Variants in PCDHA1 observed in about 807,000 individuals in gnomAD.
The protein encoded by PCDHA1 is protocadherin alpha 1.
In PCDHA1, 42 loss-of-function variants were observed where a neutral mutation model predicts 61.3. The observed-to-expected ratio is 0.69, with a 90% CI of 0.54 to 0.89. PCDHA1 has a LOEUF of 0.89. Among genes scored for constraint, PCDHA1 ranks in the 40% least tolerant of loss-of-function variants. The pLI is 0.00. For missense variants in PCDHA1, 1,256 were observed against 1,235.3 expected (o/e 1.02, Z -0.25); for synonymous variants, 610 against 553.8 (o/e 1.10, Z -1.43).
intron 3 of PCDHA1, among the ~76,000 whole-genome samples, chr5:140,996,530 T>C (rs1423892657): frequency 6.6e-6 from 1 of 152,210 alleles, no homozygotes; most frequent in East Asian, 1.9e-4. Flanking sequence ...AGGCCCTGTG[T>C]GTTTTGATAT....
chr5:140,819,042 G>A (rs1766479997), intron 1 of PCDHA1, among the ~76,000 whole-genome samples: 1 of 152,140 alleles, frequency 6.6e-6, no homozygotes, highest in African/African-American at 2.4e-5. Context: ...CCCTTATAGG[G>A]CAGTTATACC....
At chr5:140,795,735 T>C in intron 1 of PCDHA1, 1 of 1,614,104 alleles carries the variant, frequency 6.2e-7, no homozygotes, top group Non-Finnish European at 8.5e-7. Context: ...ATACGGCAAA[T>C]GGGACCTTAG....
chr5:140,881,596 T>G (rs1420240994), intron 1 of PCDHA1, among the ~76,000 whole-genome samples: 1 of 152,240 alleles, frequency 6.6e-6, no homozygotes, highest in African/African-American at 2.4e-5. Flanking sequence ...GGAAATTTAT[T>G]AATATGATGT....
chr5:140,979,090 C>A, intron 2 of PCDHA1, 83 bp downstream of exon 2: 1 of 1,557,284 alleles, frequency 6.4e-7, no homozygotes, highest in Non-Finnish European at 8.7e-7. Flanking sequence ...AGGCCAGAAG[C>A]AGCTGTCAAA....
At chr5:140,882,891 A>G (rs782750187) in intron 1 of PCDHA1, 3 of 1,614,230 alleles carry the variant, frequency 1.9e-6, no homozygotes, top group Admixed American at 1.7e-5. Context: ...ATTCAGGAAC[A>G]TAGTTTATTA....
At chr5:140,858,251 C>A in intron 1 of PCDHA1, 1 of 1,596,688 alleles carries the variant, frequency 6.3e-7, no homozygotes, top group East Asian at 2.2e-5. Context: ...GCCGGTGAAG[C>A]CCACGCTGGT....
At chr5:140,907,392 A>G (rs1362391388) in intron 1 of PCDHA1, among the ~76,000 whole-genome samples, 1 of 152,202 alleles carries the variant, frequency 6.6e-6, no homozygotes, top group Non-Finnish European at 1.5e-5. Context: ...GTCAAAGGCA[A>G]TGCTGTGTGG....
chr5:140,832,466 T>TA (rs1319318585), intron 1 of PCDHA1, among the ~76,000 whole-genome samples: 6 of 152,186 alleles, frequency 3.9e-5, no homozygotes, highest in South Asian at 2.1e-4. Context: ...CACTAAAATT[T>TA]AAAAAAACTA....
intron 1 of PCDHA1, among the ~76,000 whole-genome samples, chr5:140,915,245 C>T (rs1366061257): frequency 2.0e-5 from 3 of 152,088 alleles, no homozygotes; most frequent in Non-Finnish European, 4.4e-5. Flanking sequence ...CCATGCCTGG[C>T]CAGGTTGTTA....
intron 1 of PCDHA1, among the ~76,000 whole-genome samples, chr5:140,962,009 G>C (rs545144318): frequency 1.3e-4 from 19 of 151,596 alleles, no homozygotes; most frequent in African/African-American, 3.6e-4. Flanking sequence ...TCAGCTTCCC[G>C]AGTAGCTGGG....
rs1215014992 is a variant in PCDHA1, at chr5:140,859,892, AT to A, written c.2394+71209del. 2.6e-5 allele frequency: 4 copies of A among 152,144 alleles called. No individual in the cohort carries two copies. The East Asian group carries it at 7.7e-4, about 29-fold the overall frequency. The allele number at this position is 152,144 out of a possible 1,614,324, so 9.4% of individuals were successfully genotyped here. On this transcript the variant is annotated intron_variant, in intron 1 of 3. Transcript: ENST00000504120. ...TCCCCCTCTGATATTTTGAAAAAAAATCTTCCTTAATGTCTTATATTATAAG... is the reference window on the plus strand; with the variant it reads ...TCCCCCTCTGATATTTTGAAAAAAAACTTCCTTAATGTCTTATATTATAAG...
intron 1 of PCDHA1, chr5:140,823,530 T>C: frequency 1.2e-6 from 2 of 1,613,714 alleles, no homozygotes. Flanking sequence ...GGTCAGTGGG[T>C]GCGGGCCACG....
chr5:140,787,063 GAACAT>G lies in PCDHA1; in HGVS notation c.774_778del (p.Thr259SerfsTer8), dbSNP rs782241761. ...CACTTGTTAGAGACTACAGCAAATG[GAACAT>G]TAGTGACCACATTAAATGCCTCTGA... On this transcript the variant is annotated frameshift_variant, in exon 1 of 4. Coordinates refer to ENST00000504120, the MANE Select transcript of PCDHA1 (RefSeq NM_018900.4). LOFTEE classifies it high-confidence loss of function. The G allele has an allele frequency of 6.2e-7, 1 of 1,614,208 alleles. No individual in the cohort carries two copies. Among genetic ancestry groups the G allele is most frequent in the Non-Finnish European group, 8.5e-7 (1 of 1,180,030 alleles).
chr5:140,829,963 G>A (rs201706795), intron 1 of PCDHA1: 190 of 1,613,888 alleles, frequency 1.2e-4, no homozygotes, highest in Non-Finnish European at 5.3e-5. Flanking sequence ...CGTTTCGCGT[G>A]GGGCTGTACA....
intron 1 of PCDHA1, chr5:140,882,793 C>T (rs1176435531): frequency 1.9e-6 from 3 of 1,614,210 alleles, no homozygotes; most frequent in Non-Finnish European, 2.5e-6. Context: ...TGGATCCCAA[C>T]GATTATTTCA....
At chr5:140,851,173 A>G in intron 1 of PCDHA1, 1 of 1,267,370 alleles carries the variant, frequency 7.9e-7, no homozygotes, top group South Asian at 2.8e-5. Context: ...CTGCCATAAC[A>G]CTTGAAAACC....
chr5:140,981,465 T>C (rs1226815704), intron 2 of PCDHA1, among the ~76,000 whole-genome samples: 2 of 152,116 alleles, frequency 1.3e-5, no homozygotes, highest in Non-Finnish European at 1.5e-5. Context: ...TCCCAGCTAC[T>C]TGGGAGGCTG....
At chr5:140,927,409 A>T (rs1554204480) in intron 1 of PCDHA1, 4 of 1,614,120 alleles carry the variant, frequency 2.5e-6, no homozygotes, top group Non-Finnish European at 3.4e-6. Context: ...TCGCCTGGAC[A>T]TGGGATCGCG....
At chr5:140,889,176 A>T (rs2062131208) in intron 1 of PCDHA1, among the ~76,000 whole-genome samples, 1 of 151,738 alleles carries the variant, frequency 6.6e-6, no homozygotes, top group South Asian at 2.1e-4. Context: ...CAAGTTATAA[A>T]TAAGAATCTA....
Sources: gnomAD v4.1 joint callset for allele counts (sites outside exome capture counted in the v4.1 genomes callset) on GRCh38, gnomAD v4.1.1 for gene constraint, MANE v1.5 for transcripts, NCBI Gene and HGNC (gene_info 2026-07-23, HGNC 2026-07-21) for gene names.